C2CD2: variants seen among roughly 807,000 people sequenced by gnomAD.
C2CD2 encodes the protein C2 domain-containing protein 2.
Under a neutral mutation model 74.3 loss-of-function variants are expected in C2CD2, and 43 were observed. The ratio of observed to expected loss-of-function variants is 0.58; its 90% CI spans 0.45 to 0.75. The LOEUF (loss-of-function observed/expected upper bound fraction) is 0.75, where lower values mean the gene tolerates loss of function less well. Ranked by LOEUF, C2CD2 falls within the 30% of genes least tolerant of loss-of-function variation. The pLI is 0.00. For missense variants in C2CD2, 801 were observed against 916.3 expected (o/e 0.87, Z 1.63); for synonymous variants, 422 against 390.7 (o/e 1.08, Z -0.94).
At chr21:41,942,034 AT>A in intron 2 of C2CD2, 112 bp downstream of exon 2, 3 of 1,387,894 alleles carry the variant, frequency 2.2e-6, no homozygotes, top group Non-Finnish European at 2.9e-6. Context: ...GGTTGTTTTG[AT>A]TTTTTTCCTA....
Position 41,926,752 on chromosome 21 carries a change from C to A in C2CD2, c.379-4667G>T, listed in dbSNP as rs2065217615. The A allele has an allele frequency of 6.5e-6, 2 of 309,282 alleles. No individual in the cohort carries two copies. Among genetic ancestry groups the A allele is most frequent in the African/African-American group, 2.3e-5 (1 of 44,304 alleles). 19.2% of individuals were successfully genotyped at this position (309,282 alleles called of 1,614,324 possible). ...TAAGCTTCCTGTACAGCTGCCTCGG[C>A]TCCTTCTCTTAGAACACTCTAGAGA... On this transcript the variant is annotated intron_variant, in intron 2 of 13. Coordinates refer to ENST00000380486, the MANE Select transcript of C2CD2 (RefSeq NM_015500.2). The surrounding 1 kb of genome is among the most constrained non-coding windows in gnomAD (Gnocchi z 8.0).
rs963576243 is a variant in C2CD2, at chr21:41,918,220, A to G, written c.605T>C (p.Val202Ala). ...IQPKALGEDQVAETSAMSDVL... is the reference protein window; with the variant it reads ...IQPKALGEDQAAETSAMSDVL... ...GTCAGACATCGCACTTGTCTCAGCC[A>G]CCTGGTCCTGGTGAAAGAGGAGAAA... The change falls in exon 5 of 14, where the codon GTG (valine) becomes GCG (alanine). Residue 202 changes from valine to alanine, a missense_variant. Physicochemically the swap from Val to Ala is moderately conservative, Grantham distance 64 (BLOSUM62 0). Coordinates refer to ENST00000380486, the MANE Select transcript of C2CD2 (RefSeq NM_015500.2). 6.2e-7 allele frequency: 1 copy of G among 1,613,998 alleles called. No individual in the cohort carries two copies. Among genetic ancestry groups the G allele is most frequent in the Non-Finnish European group, 8.5e-7 (1 of 1,180,010 alleles).
rs2064674269 is a variant in C2CD2 at position 41,885,550 on chromosome 21, G to A, written c.*3574C>T. On this transcript the variant is annotated 3_prime_UTR_variant, in exon 14 of 14. Coordinates refer to ENST00000380486, the MANE Select transcript of C2CD2 (RefSeq NM_015500.2). ...CTGTGCAGGCTGCTTTGGTCTTCGT[G>A]TCTAGGCCGGTTTGGGGCAGTGGGG... 1 of 152,736 alleles carries A rather than the reference G, an allele frequency of 6.5e-6. No individual in the cohort carries two copies. Among genetic ancestry groups the A allele is most frequent in the Admixed American group, 6.5e-5 (1 of 15,282 alleles). The allele number at this position is 152,736 out of a possible 1,614,324, so 9.5% of individuals were successfully genotyped here.
chr21:41,920,651 T>G (rs547300752), intron 3 of C2CD2, among the ~76,000 whole-genome samples: 2 of 152,354 alleles, frequency 1.3e-5, no homozygotes, highest in South Asian at 4.1e-4. Context: ...GAACGCCTCC[T>G]GCCGCTAGCA....
chr21:41,897,634 T>C (rs2064839720), intron 13 of C2CD2, among the ~76,000 whole-genome samples: 1 of 152,158 alleles, frequency 6.6e-6, no homozygotes, highest in Admixed American at 6.5e-5. Context: ...CCAGGAAATT[T>C]CCTCCTTCTC....
chr21:41,912,110 T>A (rs1043516213), intron 7 of C2CD2: 14 of 488,836 alleles, frequency 2.9e-5, no homozygotes, highest in African/African-American at 2.6e-4. Flanking sequence ...CTCCCTCTCA[T>A]CATATCAGGG....
At chr21:41,921,533 A>T (rs1275012951) in intron 3 of C2CD2, among the ~76,000 whole-genome samples, 5 of 152,260 alleles carry the variant, frequency 3.3e-5, no homozygotes, top group African/African-American at 4.8e-5. Flanking sequence ...ACTTATAAAA[A>T]TAATAAGGGG....
chr21:41,906,660 C>G (rs796305691), intron 10 of C2CD2, among the ~76,000 whole-genome samples: 26 of 152,320 alleles, frequency 1.7e-4, no homozygotes, highest in Admixed American at 5.9e-4. Context: ...ACACTGCACC[C>G]AGCCCTATCA....
At position 41,903,503 on chromosome 21, in the gene C2CD2, G is replaced by C. The variant is rs762554997; in HGVS notation, c.1433-1754C>G. ...TCTGCAGAGAAACAGAAAATTGCTT[G>C]CCATAGAAAATCTACACATTTGGCG... On this transcript the variant is annotated intron_variant, in intron 11 of 13. Coordinates refer to ENST00000380486, the MANE Select transcript of C2CD2 (RefSeq NM_015500.2). This position sits in a 1 kb window ranked among gnomAD's most constrained non-coding sequence, Gnocchi z 4.5. 1.3e-5 allele frequency among the ~76,000 whole-genome samples: 2 copies of C among 152,134 alleles called. No homozygotes were observed. The highest frequency in any genetic ancestry group is 2.9e-5 in the Non-Finnish European group (2 of 68,016).
In C2CD2 at chr21:41,948,887, T is replaced by TTTTA. The variant is rs1569085130; in HGVS notation, c.279+4482_279+4483insTAAA. On this transcript the variant is annotated intron_variant, in intron 1 of 13. Transcript: ENST00000380486. ...CACAGCATCTTTTTTTTTTTTTTTTTTTTTTCTTTTTTTTTACAAAGACCA... is the reference window on the plus strand; with the variant it reads ...CACAGCATCTTTTTTTTTTTTTTTTTTTTATTTTTCTTTTTTTTTACAAAGACCA... 2.3e-3 allele frequency among the ~76,000 whole-genome samples: 293 copies of TTTTA among 129,278 alleles called. 2 individuals are homozygous for TTTTA. The highest frequency in any genetic ancestry group is 8.0e-3 in the African/African-American group (284 of 35,292). The allele number at this position is 129,278 out of a possible 152,430, so 84.8% of individuals were successfully genotyped here. A position where few individuals can be genotyped will look rare whatever the true frequency, so the allele number is the denominator to read the frequency against.
At position 41,922,089 on chromosome 21, in the gene C2CD2, G is replaced by C. The variant is rs1427003274; in HGVS notation, c.379-4C>G. 6.3e-7 allele frequency: 1 copy of C among 1,581,382 alleles called. No individual in the cohort carries two copies. The highest frequency in any genetic ancestry group is 8.7e-7 in the Non-Finnish European group (1 of 1,150,362). On this transcript the variant is annotated splice_polypyrimidine_tract_variant and splice_region_variant and intron_variant, in intron 2 of 13. Coordinates refer to ENST00000380486, the MANE Select transcript of C2CD2 (RefSeq NM_015500.2). ...CCACCACGTGACAGACCACCACCTG[G>C]AGGAGGCACAGGTAAGGGAGAAAAC...
intron 8 of C2CD2, among the ~76,000 whole-genome samples, chr21:41,908,991 GA>G (rs11322922): frequency 0.1 from 15,916 of 152,124 alleles, 942 homozygotes; most frequent in African/African-American, 0.14. Context: ...GAGTAGGGAT[GA>G]AAAAAGCTCT....
intron 2 of C2CD2, among the ~76,000 whole-genome samples, chr21:41,928,835 C>T (rs568474305): frequency 3.8e-4 from 58 of 152,304 alleles, no homozygotes; most frequent in African/African-American, 1.3e-3. Flanking sequence ...AAATTCCACA[C>T]GATCGTCCAG....
intron 1 of C2CD2, among the ~76,000 whole-genome samples, chr21:41,946,305 CA>C (rs2146232875): frequency 6.6e-6 from 1 of 152,258 alleles, no homozygotes; most frequent in East Asian, 1.9e-4. Flanking sequence ...TGTCCCTGCC[CA>C]AATCTCATGT....
intron 2 of C2CD2, among the ~76,000 whole-genome samples, chr21:41,933,170 G>A (rs968590988): frequency 2.0e-5 from 3 of 150,644 alleles, no homozygotes; most frequent in Non-Finnish European, 3.0e-5. Flanking sequence ...CAAAGTGTGA[G>A]CTTTGAAAGG....
At chr21:41,932,736 T>C (rs1163741353) in intron 2 of C2CD2, among the ~76,000 whole-genome samples, 1 of 149,882 alleles carries the variant, frequency 6.7e-6, no homozygotes, top group Admixed American at 6.7e-5. Flanking sequence ...TTATCTATCG[T>C]TGGTCCTGTG....
At position 41,918,864 on chromosome 21, in the gene C2CD2, G is replaced by C. The variant is rs1289037476; in HGVS notation, c.589C>G (p.Leu197Val). Reference protein sequence around the residue: ...EMAVNIQPKALGEDQVAETSA... With the variant: ...EMAVNIQPKAVGEDQVAETSA... ...AAAACTTACGGACTGACCTCCCCCA[G>C]TGCTTTGGGCTGGATATTAACGGCC... Residue 197 changes from leucine (L) to valine (V), a missense_variant, in exon 4 of 14, where the codon CTG (leucine) becomes GTG (valine). Transcript: ENST00000380486. 1 of 1,613,206 alleles carries C rather than the reference G, an allele frequency of 6.2e-7. No homozygotes were observed. The highest frequency in any genetic ancestry group is 8.5e-7 in the Non-Finnish European group (1 of 1,179,296).
intron 1 of C2CD2, among the ~76,000 whole-genome samples, chr21:41,952,660 G>A (rs569996471): frequency 6.6e-6 from 1 of 152,396 alleles, no homozygotes; most frequent in African/African-American, 2.4e-5. Flanking sequence ...TGAGGCAGCA[G>A]AGGTAAGACA....
chr21:41,922,980 A>G (rs1393791635), intron 2 of C2CD2, among the ~76,000 whole-genome samples: 3 of 146,686 alleles, frequency 2.0e-5, no homozygotes, highest in Non-Finnish European at 3.0e-5. Context: ...CGCTTTCCAC[A>G]TGTAATACAG....
Sources: gnomAD v4.1 joint callset for allele counts (sites outside exome capture counted in the v4.1 genomes callset) on GRCh38, gnomAD v4.1.1 for gene constraint, Gnocchi (gnomAD v3.1) non-coding constraint, MANE v1.5 for transcripts, NCBI Gene and HGNC (gene_info 2026-07-23, HGNC 2026-07-21) for gene names.